TULP4: variants seen among roughly 807,000 people sequenced by gnomAD.
The protein encoded by TULP4 is TUB like protein 4.
In TULP4, 16 loss-of-function variants were observed where a neutral mutation model predicts 129.0. The ratio of observed to expected loss-of-function variants is 0.12; its 90% confidence interval spans 0.08 to 0.19. The LOEUF (loss-of-function observed/expected upper bound fraction) is 0.19, where lower values mean the gene tolerates loss of function less well. Among genes scored for constraint, TULP4 ranks in the 10% least tolerant of loss-of-function variants. The probability of loss-of-function intolerance (pLI) is 1.00; values close to 1 mark genes in which losing one functional copy is unlikely to be tolerated. For synonymous variants in TULP4, 998 were observed against 854.0 expected, an observed-to-expected ratio of 1.17 and a Z score of -2.94; for missense variants, 1,842 against 2,059.1, an observed-to-expected ratio of 0.89 and a Z score of 2.04.
chr6:158,328,050 A>G (rs947003304), intron 1 of TULP4, among the ~76,000 whole-genome samples: 10 of 150,682 alleles, frequency 6.6e-5, no homozygotes, highest in Non-Finnish European at 1.5e-4. Context: ...ACCTGTGAAT[A>G]TACTCCTGTT....
intron 1 of TULP4, among the ~76,000 whole-genome samples, chr6:158,296,773 G>A (rs1779042400): frequency 1.3e-5 from 2 of 152,128 alleles, no homozygotes; most frequent in Admixed American, 6.5e-5. Context: ...GATGCCCCCT[G>A]AGCCTCAAAA....
intron 1 of TULP4, among the ~76,000 whole-genome samples, chr6:158,342,899 A>C (rs1378329605): frequency 6.6e-6 from 1 of 152,042 alleles, no homozygotes; most frequent in Admixed American, 6.5e-5. Context: ...AGGCTCAATA[A>C]ATGATCACTG....
intron 9 of TULP4, among the ~76,000 whole-genome samples, chr6:158,490,733 C>T (rs1009902940): frequency 1.4e-4 from 22 of 151,978 alleles, no homozygotes; most frequent in Non-Finnish European, 5.9e-5. Flanking sequence ...ATCAGCTTTG[C>T]TTGTTCTTAA....
intron 1 of TULP4, among the ~76,000 whole-genome samples, chr6:158,329,772 T>G (rs1779832700): frequency 6.6e-6 from 1 of 152,174 alleles, no homozygotes; most frequent in South Asian, 2.1e-4. Context: ...GAGCTTTTGC[T>G]TGTCTCCTAG....
intron 1 of TULP4, among the ~76,000 whole-genome samples, chr6:158,402,888 G>GTT (rs34604658): frequency 3.0e-4 from 39 of 127,948 alleles, no homozygotes; most frequent in East Asian, 9.2e-4. Flanking sequence ...GGCTTTGGGA[G>GTT]TTTTTTTTTT....
At chr6:158,377,738 CT>C (rs1296650550) in intron 1 of TULP4, among the ~76,000 whole-genome samples, 1 of 151,496 alleles carries the variant, frequency 6.6e-6, no homozygotes, top group African/African-American at 2.4e-5. Flanking sequence ...CGTACTAGGA[CT>C]TTTTTTTTCC....
intron 1 of TULP4, among the ~76,000 whole-genome samples, chr6:158,368,024 C>G (rs913269564): frequency 3.9e-5 from 5 of 128,776 alleles, no homozygotes; most frequent in Non-Finnish European, 7.8e-5. Context: ...GCCCATAGAT[C>G]GAGGCTGCAG....
chr6:158,300,222 C>A (rs1269703239), intron 1 of TULP4, among the ~76,000 whole-genome samples: 1 of 152,174 alleles, frequency 6.6e-6, no homozygotes, highest in Non-Finnish European at 1.5e-5. Flanking sequence ...CCTGGTGAAA[C>A]ACAAGCATAC....
intron 3 of TULP4, among the ~76,000 whole-genome samples, chr6:158,439,267 C>A (rs341116): frequency 0.27 from 40,707 of 152,092 alleles, 6,190 homozygotes; most frequent in Middle Eastern, 0.35. Flanking sequence ...GTCAAACTTC[C>A]CAAAAGCAAA....
At chr6:158,294,018 A>G (rs827870) in intron 1 of TULP4, among the ~76,000 whole-genome samples, 20,240 of 152,140 alleles carry the variant, frequency 0.13, 1,709 homozygotes, top group African/African-American at 0.23. Flanking sequence ...TGCTCAGTGA[A>G]TATTTGTAGG....
chr6:158,481,733 A>T, intron 8 of TULP4, among the ~76,000 whole-genome samples: 1 of 152,176 alleles, frequency 6.6e-6, no homozygotes, highest in East Asian at 1.9e-4. Context: ...GTCTACTGTT[A>T]ACTGCTTTTT....
intron 1 of TULP4, among the ~76,000 whole-genome samples, chr6:158,392,803 T>TTTTTTTTTC (rs1777617675): frequency 9.3e-6 from 1 of 107,004 alleles, no homozygotes; most frequent in African/African-American, 3.9e-5. Context: ...TCTTTTTTTT[T>TTTTTTTTTC]TTTTTTTTTT....
intron 1 of TULP4, among the ~76,000 whole-genome samples, chr6:158,241,723 T>C (rs1220649242): frequency 6.6e-6 from 1 of 152,048 alleles, no homozygotes; most frequent in Non-Finnish European, 1.5e-5. Flanking sequence ...GCCTCCCGAG[T>C]AGCCGGGACT....
intron 1 of TULP4, among the ~76,000 whole-genome samples, chr6:158,394,417 G>C (rs1259770895): frequency 6.6e-6 from 1 of 151,812 alleles, no homozygotes; most frequent in Non-Finnish European, 1.5e-5. Flanking sequence ...CACATTTTCA[G>C]GTATCTTCAT....
chr6:158,430,214 A>G (rs951006080), intron 3 of TULP4, among the ~76,000 whole-genome samples: 6 of 152,200 alleles, frequency 3.9e-5, no homozygotes. Context: ...TAAGCTTAAA[A>G]AAAATCAGGA....
rs568032717 is a variant in TULP4, at chr6:158,333,286, C to T, written c.252+19018C>T. Among the ~76,000 whole-genome samples, 58 of 152,262 alleles carry T rather than the reference C, an allele frequency of 3.8e-4. No individual in the cohort carries two copies. The East Asian group carries it at 9.1e-3, about 24-fold the overall frequency. On this transcript the variant is annotated intron_variant, in intron 1 of 13. Coordinates refer to ENST00000367097, the MANE Select transcript of TULP4 (RefSeq NM_020245.5). ...GATGAAGTCATGAGGGTGGGGCCCT[C>T]GTGATGAGATTAGTGCCCTAAAAGA...
At chr6:158,439,887 A>G (rs1308882470) in intron 3 of TULP4, among the ~76,000 whole-genome samples, 5 of 149,620 alleles carry the variant, frequency 3.3e-5, no homozygotes, top group Non-Finnish European at 7.4e-5. Flanking sequence ...AATTTTTTGT[A>G]TTTTTTGTAG....
intron 1 of TULP4, among the ~76,000 whole-genome samples, chr6:158,267,320 A>T (rs1186166365): frequency 6.6e-6 from 1 of 152,244 alleles, no homozygotes; most frequent in Non-Finnish European, 1.5e-5. Flanking sequence ...TAGATAAATC[A>T]TACTAGAAGA....
rs151289701 is a variant in TULP4 at position 158,479,842 on chromosome 6, G to A, written c.1118G>A (p.Arg373Gln). 2.9e-5 allele frequency: 47 copies of A among 1,613,904 alleles called. No homozygotes were observed. The African/African-American group carries it at 3.1e-4, about 11-fold the overall frequency. Residue 373 changes from arginine (R) to glutamine (Q), a missense_variant, in exon 7 of 14, where the codon CGG becomes CAG. Coordinates refer to ENST00000367097, the MANE Select transcript of TULP4 (RefSeq NM_020245.5). ...PALYVVRVEH[R>Q]VSSLQLLCQQ... ...CTGTACGTGGTGCGTGTGGAGCACCGGGTGTCCAGCCTGCAGCTGCTGTGC... is the reference window on the plus strand; with the variant it reads ...CTGTACGTGGTGCGTGTGGAGCACCAGGTGTCCAGCCTGCAGCTGCTGTGC...
Sources: allele counts gnomAD v4.1 joint callset (sites outside exome capture counted in the v4.1 genomes callset), GRCh38; gene constraint gnomAD v4.1.1; transcripts MANE v1.5; gene names NCBI Gene and HGNC (gene_info 2026-07-23, HGNC 2026-07-21).